The following CRYBA4 variants were observed in gnomAD, a reference collection of about 807,000 sequenced individuals.
CRYBA4 encodes beta-crystallin A4.
Under a neutral mutation model 31.7 loss-of-function variants are expected in CRYBA4, and 30 were observed. The ratio of observed to expected loss-of-function variants is 0.95; its 90% confidence interval spans 0.71 to 1.28. The LOEUF (loss-of-function observed/expected upper bound fraction) is 1.28. CRYBA4 is among the 50% of genes most tolerant of loss of function. CRYBA4 has a pLI of 0.00. For missense variants in CRYBA4, 225 were observed against 260.7 expected (o/e 0.86, Z 0.94); for synonymous variants, 102 against 102.3 (o/e 1.00, Z 0.02).
At chr22:26,625,714 C>A in intron 4 of CRYBA4, 92 bp downstream of exon 4, 1 of 1,333,682 alleles carries the variant, frequency 7.5e-7, no homozygotes, top group South Asian at 1.2e-5. Flanking sequence ...ATTCTCATGT[C>A]GCCACTTCAA....
At chr22:26,619,130 C>A (rs1050593760), upstream of CRYBA4, among the ~76,000 whole-genome samples, 1 of 152,128 alleles carries the variant, frequency 6.6e-6, no homozygotes, top group South Asian at 2.1e-4. Context: ...TCCAATGGAT[C>A]GGAACAGAAG....
chr22:26,612,964 G>A, the CRYBA4 span, among the ~76,000 whole-genome samples: 1 of 152,228 alleles, frequency 6.6e-6, no homozygotes, highest in African/African-American at 2.4e-5. Context: ...AGTCACTGCT[G>A]TTTTGCTTTG....
At chr22:26,614,752 G>T in the CRYBA4 span, among the ~76,000 whole-genome samples, 2 of 152,162 alleles carry the variant, frequency 1.3e-5, no homozygotes, top group Admixed American at 1.3e-4. Context: ...AGCACTTGGG[G>T]AGGCGGAGGC....
At position 26,623,550 on chromosome 22, in the gene CRYBA4, A is replaced by G. The variant is rs186012203; in HGVS notation, c.158+198A>G. ...CACTGCCCAACAGTAGGAGGGTGCCATTTACACAGACCCTGCCCACTGGAT... is the reference window on the plus strand; with the variant it reads ...CACTGCCCAACAGTAGGAGGGTGCCGTTTACACAGACCCTGCCCACTGGAT... On this transcript the variant is annotated intron_variant, in intron 3 of 5. Transcript: ENST00000354760. 2.9e-3 allele frequency among the ~76,000 whole-genome samples: 440 copies of G among 152,282 alleles called. 2 individuals are homozygous for G. The highest frequency in any genetic ancestry group is 3.6e-3 in the Non-Finnish European group (245 of 68,022).
intron 4 of CRYBA4, among the ~76,000 whole-genome samples, chr22:26,627,364 C>CTT (rs1211145562): frequency 2.3e-4 from 7 of 30,340 alleles, no homozygotes; most frequent in Admixed American, 7.7e-4. Flanking sequence ...TCCCTCCTTT[C>CTT]TTTCTTTCTT....
chr22:26,629,084 A>G (rs1359368721), intron 5 of CRYBA4, among the ~76,000 whole-genome samples: 1 of 152,170 alleles, frequency 6.6e-6, no homozygotes, highest in Non-Finnish European at 1.5e-5. Flanking sequence ...ACCTGCTCAA[A>G]GTCCATCAGC....
At chr22:26,611,043 C>T in the CRYBA4 span, among the ~76,000 whole-genome samples, 3 of 152,204 alleles carry the variant, frequency 2.0e-5, no homozygotes, top group Non-Finnish European at 4.4e-5. Flanking sequence ...AGGGCAACCA[C>T]TCTGCCCAAG....
At chr22:26,611,535 C>T in the CRYBA4 span, among the ~76,000 whole-genome samples, 21,232 of 148,824 alleles carry the variant, frequency 0.14, 1,660 homozygotes, top group East Asian at 0.29. Context: ...ACTGCAGTGG[C>T]GCAATCTCGG....
the CRYBA4 span, among the ~76,000 whole-genome samples, chr22:26,596,164 G>A: frequency 1.2e-4 from 19 of 152,116 alleles, no homozygotes; most frequent in South Asian, 1.7e-3. Context: ...GCAGTGGCAC[G>A]ATCTCACTGC....
the CRYBA4 span, among the ~76,000 whole-genome samples, chr22:26,614,634 A>G: frequency 7.9e-5 from 12 of 152,178 alleles, no homozygotes; most frequent in Non-Finnish European, 1.2e-4. Flanking sequence ...TAGGGATCTC[A>G]TAGTAAGTGA....
At chr22:26,623,916 C>T in intron 3 of CRYBA4, among the ~76,000 whole-genome samples, 1 of 151,966 alleles carries the variant, frequency 6.6e-6, no homozygotes, top group East Asian at 1.9e-4. Context: ...AGATGTTCTA[C>T]ATCTACACCA....
the CRYBA4 span, among the ~76,000 whole-genome samples, chr22:26,592,955 C>G: frequency 6.6e-6 from 1 of 152,288 alleles, no homozygotes; most frequent in African/African-American, 2.4e-5. Context: ...TGGGACTTCT[C>G]TCAGTACCCC....
At chr22:26,623,722 C>T (rs2145979375) in intron 3 of CRYBA4, among the ~76,000 whole-genome samples, 1 of 150,612 alleles carries the variant, frequency 6.6e-6, no homozygotes, top group Non-Finnish European at 1.5e-5. Context: ...TAATTTTTAG[C>T]TAAATAGTCT....
chr22:26,599,605 T>A, the CRYBA4 span: 5 of 1,614,040 alleles, frequency 3.1e-6, no homozygotes, highest in Non-Finnish European at 3.4e-6. Context: ...CTCATTCCAG[T>A]GCCGGAAGTC....
At chr22:26,622,019 A>C in intron 1 of CRYBA4, 33 bp downstream of exon 1, 1 of 984,534 alleles carries the variant, frequency 1.0e-6, no homozygotes, top group Non-Finnish European at 1.2e-6. Context: ...GGGTGGGATC[A>C]GAGTTCTGAG....
At chr22:26,627,019 G>A (rs1038255677) in intron 4 of CRYBA4, among the ~76,000 whole-genome samples, 1 of 151,156 alleles carries the variant, frequency 6.6e-6, no homozygotes, top group Non-Finnish European at 1.5e-5. Context: ...TCTGTTTTGT[G>A]AATAAGTCCA....
chr22:26,630,600 A>G lies in CRYBA4; in HGVS notation c.*113A>G, dbSNP rs1929900914. The G allele has an allele frequency of 2.3e-6, 2 of 865,882 alleles. No homozygotes were observed. The highest frequency in any genetic ancestry group is 3.7e-6 in the Non-Finnish European group (2 of 538,716). 53.6% of individuals were successfully genotyped at this position (865,882 alleles called of 1,614,324 possible). A position where few individuals can be genotyped will look rare whatever the true frequency, so the allele number is the denominator to read the frequency against. On this transcript the variant is annotated 3_prime_UTR_variant, in exon 6 of 6. Transcript: ENST00000354760. ...CCCCTGTAACCTGTGTGAACCCAGCACCCATGTGAACTGGTCCGTGCACAG... is the reference window on the plus strand; with the variant it reads ...CCCCTGTAACCTGTGTGAACCCAGCGCCCATGTGAACTGGTCCGTGCACAG...
At chr22:26,622,656 G>C (rs1352127121) in intron 2 of CRYBA4, 21 bp downstream of exon 2, 6 of 1,571,232 alleles carry the variant, frequency 3.8e-6, no homozygotes, top group African/African-American at 2.7e-5. Flanking sequence ...GCATGGGGAG[G>C]GGGTGTTCAG....
At chr22:26,628,158 A>G (rs1410451529) in intron 4 of CRYBA4, 130 bp from the exon 5 acceptor site, 9 of 1,276,502 alleles carry the variant, frequency 7.1e-6, no homozygotes, top group Non-Finnish European at 1.0e-5. Context: ...CTGTTGCCTT[A>G]TTGCCCTTCC....
Sources: gnomAD v4.1 joint callset for allele counts (sites outside exome capture counted in the v4.1 genomes callset) on GRCh38, gnomAD v4.1.1 for gene constraint, MANE v1.5 for transcripts, NCBI Gene and HGNC (gene_info 2026-07-23, HGNC 2026-07-21) for gene names.